Variants in GPR39 observed in about 807,000 individuals in gnomAD.
The protein encoded by GPR39 is zinc sensing receptor.
In GPR39, 23 loss-of-function variants were observed where a neutral mutation model predicts 18.4. The ratio of observed to expected loss-of-function variants is 1.25; its 90% confidence interval spans 0.90 to 1.77. The LOEUF is 1.77. GPR39 is among the 40% of genes most tolerant of loss of function. The probability of loss-of-function intolerance (pLI) is 0.00; values close to 1 mark genes in which losing one functional copy is unlikely to be tolerated. For missense variants in GPR39, 647 were observed against 602.4 expected, an observed-to-expected ratio of 1.07 and a Z score of -0.78; for synonymous variants, 280 against 257.9, an observed-to-expected ratio of 1.09 and a Z score of -0.82.
chr2:132,494,661 C>T (rs1030679448), intron 1 of GPR39, among the ~76,000 whole-genome samples: 44 of 152,152 alleles, frequency 2.9e-4, no homozygotes, highest in Non-Finnish European at 4.4e-4. Flanking sequence ...AGTCAAATTT[C>T]CATCCTATTT....
At chr2:132,493,060 CACCATATATATACCA>C (rs1184304321) in intron 1 of GPR39, among the ~76,000 whole-genome samples, 6 of 38,542 alleles carry the variant, frequency 1.6e-4, no homozygotes, top group African/African-American at 4.5e-4. Context: ...ACCATATATA[CACCATATATATACCA>C]CATATATACC....
At chr2:132,419,475 T>G (rs922294610) in intron 1 of GPR39, among the ~76,000 whole-genome samples, 5 of 152,222 alleles carry the variant, frequency 3.3e-5, no homozygotes, top group African/African-American at 1.2e-4. Flanking sequence ...TAGGTAAGCC[T>G]GGTGGTGTTG....
At chr2:132,493,443 T>C (rs1334685546) in intron 1 of GPR39, among the ~76,000 whole-genome samples, 1 of 146,318 alleles carries the variant, frequency 6.8e-6, no homozygotes, top group East Asian at 2.0e-4. Context: ...ACACACACCA[T>C]ATATATACAC....
At chr2:132,468,030 C>T (rs960452628) in intron 1 of GPR39, among the ~76,000 whole-genome samples, 1 of 152,180 alleles carries the variant, frequency 6.6e-6, no homozygotes, top group Non-Finnish European at 1.5e-5. Flanking sequence ...AATCTCAGCT[C>T]CTGGTACCAT....
At chr2:132,470,198 C>A (rs1200674599) in intron 1 of GPR39, among the ~76,000 whole-genome samples, 3 of 152,230 alleles carry the variant, frequency 2.0e-5, no homozygotes, top group African/African-American at 7.2e-5. Flanking sequence ...CCATAACATC[C>A]TTCCAGTTAG....
At chr2:132,493,615 A>C (rs1380433586) in intron 1 of GPR39, among the ~76,000 whole-genome samples, 1 of 151,186 alleles carries the variant, frequency 6.6e-6, no homozygotes, top group East Asian at 1.9e-4. Flanking sequence ...TGAGTCTGCC[A>C]TTTCTGATAT....
intron 1 of GPR39, among the ~76,000 whole-genome samples, chr2:132,516,022 T>C (rs1043856555): frequency 1.3e-5 from 2 of 152,076 alleles, no homozygotes; most frequent in Admixed American, 1.3e-4. Flanking sequence ...GTTATCGGAG[T>C]CCCAGCCATC....
chr2:132,618,148 T>C (rs951700067), intron 1 of GPR39, among the ~76,000 whole-genome samples: 3 of 152,110 alleles, frequency 2.0e-5, no homozygotes, highest in African/African-American at 7.2e-5. Flanking sequence ...AGACATTCCC[T>C]AAGTTAAGTG....
intron 1 of GPR39, among the ~76,000 whole-genome samples, chr2:132,572,545 A>G (rs1425155708): frequency 6.6e-6 from 1 of 151,916 alleles, no homozygotes; most frequent in Non-Finnish European, 1.5e-5. Flanking sequence ...ATTAAAAAAA[A>G]AAAAAAAACC....
chr2:132,519,207 G>A (rs980201871), intron 1 of GPR39, among the ~76,000 whole-genome samples: 32 of 152,118 alleles, frequency 2.1e-4, no homozygotes, highest in African/African-American at 7.5e-4. Flanking sequence ...AATAAAGGCA[G>A]AATAGATCCT....
At position 132,494,019 on chromosome 2, in the gene GPR39, G is replaced by C. The variant is rs115841592; in HGVS notation, c.856+76121G>C. On this transcript the variant is annotated intron_variant, in intron 1 of 1. Transcript: ENST00000329321. Reference sequence around the variant, plus strand: ...GGCTTCATTGACTCCATAGCTAGTGGGGTTTCTCCAGAGGGAGGAGAGCAG... The same window carrying C: ...GGCTTCATTGACTCCATAGCTAGTGCGGTTTCTCCAGAGGGAGGAGAGCAG... 1.0e-2 allele frequency among the ~76,000 whole-genome samples: 1,522 copies of C among 152,238 alleles called. 29 individuals are homozygous for C. The highest frequency in any genetic ancestry group is 0.035 in the African/African-American group (1,450 of 41,530).
chr2:132,467,670 C>A (rs1680953904), intron 1 of GPR39, among the ~76,000 whole-genome samples: 1 of 152,172 alleles, frequency 6.6e-6, no homozygotes, highest in Non-Finnish European at 1.5e-5. Flanking sequence ...GCTACAGTTA[C>A]TGCTCATGAA....
chr2:132,510,334 A>G (rs1341520939), intron 1 of GPR39, among the ~76,000 whole-genome samples: 1 of 152,170 alleles, frequency 6.6e-6, no homozygotes, highest in Non-Finnish European at 1.5e-5. Context: ...AATTTGAGCC[A>G]GTCTCCCCAG....
chr2:132,606,860 A>C (rs939342123), intron 1 of GPR39, among the ~76,000 whole-genome samples: 15 of 152,188 alleles, frequency 9.9e-5, no homozygotes, highest in Non-Finnish European at 1.9e-4. Flanking sequence ...CTAACCTCCA[A>C]GTCCCCCTGG....
At chr2:132,444,882 G>A (rs968069269) in intron 1 of GPR39, among the ~76,000 whole-genome samples, 2 of 152,128 alleles carry the variant, frequency 1.3e-5, no homozygotes, top group African/African-American at 4.8e-5. Flanking sequence ...CAAATATTGA[G>A]TCAGTCCTTA....
At chr2:132,537,796 G>T (rs1280979369) in intron 1 of GPR39, among the ~76,000 whole-genome samples, 1 of 151,388 alleles carries the variant, frequency 6.6e-6, no homozygotes, top group Non-Finnish European at 1.5e-5. Flanking sequence ...CAGCAAAATG[G>T]TCTTCAGATT....
At chr2:132,427,494 A>G (rs908708629) in intron 1 of GPR39, among the ~76,000 whole-genome samples, 2 of 150,434 alleles carry the variant, frequency 1.3e-5, no homozygotes, top group Non-Finnish European at 3.0e-5. Context: ...TTGGTTTTAT[A>G]TATTATATAT....
intron 1 of GPR39, among the ~76,000 whole-genome samples, chr2:132,577,969 G>A (rs1680556912): frequency 6.6e-6 from 1 of 151,820 alleles, no homozygotes; most frequent in Admixed American, 6.6e-5. Context: ...TAAAGGGAAA[G>A]CATTGAGGCT....
intron 1 of GPR39, among the ~76,000 whole-genome samples, chr2:132,539,853 T>G (rs2104784377): frequency 6.6e-6 from 1 of 152,246 alleles, no homozygotes; most frequent in South Asian, 2.1e-4. Context: ...GGATGGGCAA[T>G]GCTGTGACTA....
Sources: allele counts gnomAD v4.1 joint callset (sites outside exome capture counted in the v4.1 genomes callset), GRCh38; gene constraint gnomAD v4.1.1; transcripts MANE v1.5; gene names NCBI Gene and HGNC (gene_info 2026-07-23, HGNC 2026-07-21).